DNAH11: variants seen among roughly 807,000 people sequenced by gnomAD.
DNAH11 encodes dynein axonemal heavy chain 11, also known as axonemal beta dynein heavy chain 11.
In DNAH11, 442 loss-of-function variants were observed where a neutral mutation model predicts 526.0. The observed-to-expected ratio is 0.84, with a 90% CI of 0.78 to 0.91. DNAH11 has a LOEUF of 0.91. Ranked by LOEUF, DNAH11 falls within the 40% of genes least tolerant of loss-of-function variation. The probability of loss-of-function intolerance (pLI) is 0.00; values close to 1 mark genes in which losing one functional copy is unlikely to be tolerated. For synonymous variants in DNAH11, 2,461 were observed against 1,935.9 expected (o/e 1.27, Z -7.12); for missense variants, 6,989 against 5,448.7 (o/e 1.28, Z -8.90).
intron 76 of DNAH11, among the ~76,000 whole-genome samples, chr7:21,885,239 T>A (rs1784087078): frequency 7.1e-6 from 1 of 141,642 alleles, no homozygotes; most frequent in Non-Finnish European, 1.5e-5. Context: ...ATCATGGTAA[T>A]ATAGAATTCC....
chr7:21,633,312 T>C (rs1247709991), intron 25 of DNAH11, among the ~76,000 whole-genome samples: 1 of 152,244 alleles, frequency 6.6e-6, no homozygotes, highest in African/African-American at 2.4e-5. Context: ...AGTCTGTCGA[T>C]GTCCATTAGG....
At chr7:21,637,190 T>TTC (rs977769030) in intron 26 of DNAH11, among the ~76,000 whole-genome samples, 1 of 151,782 alleles carries the variant, frequency 6.6e-6, no homozygotes, top group Non-Finnish European at 1.5e-5. Context: ...GTCTCTCTCT[T>TTC]TCTCTCTCTC....
intron 14 of DNAH11, among the ~76,000 whole-genome samples, chr7:21,598,223 GTC>G (rs1380826463): frequency 6.6e-6 from 1 of 152,096 alleles, no homozygotes; most frequent in Non-Finnish European, 1.5e-5. Context: ...TTATTCCAAT[GTC>G]TCTTTTGCTC....
chr7:21,606,517 T>G lies in DNAH11; in HGVS notation c.3740T>G (p.Ile1247Arg). The G allele has an allele frequency of 6.2e-7, 1 of 1,609,958 alleles. No homozygotes were observed. Among genetic ancestry groups the G allele is most frequent in the Non-Finnish European group, 8.5e-7 (1 of 1,178,986 alleles). ...SPLHNAEVTLIRKKCILFDAK... is the reference protein window; with the variant it reads ...SPLHNAEVTLRRKKCILFDAK... Reference sequence around the variant, plus strand: ...CTCCATAATGCGGAAGTCACTCTTATAAGGAAAAAATGTATTTTGTTTGAC... The same window carrying G: ...CTCCATAATGCGGAAGTCACTCTTAGAAGGAAAAAATGTATTTTGTTTGAC... Residue 1247 changes from isoleucine (I) to arginine (R), a missense_variant, in exon 19 of 82, where the codon ATA becomes AGA. Coordinates refer to ENST00000409508, the MANE Select transcript of DNAH11 (RefSeq NM_001277115.2).
At chr7:21,781,792 A>C (rs1787951520) in intron 57 of DNAH11, among the ~76,000 whole-genome samples, 1 of 152,184 alleles carries the variant, frequency 6.6e-6, no homozygotes, top group African/African-American at 2.4e-5. Flanking sequence ...GGGAGGGTTA[A>C]ACAGTAGAAG....
intron 79 of DNAH11, among the ~76,000 whole-genome samples, chr7:21,898,317 G>A (rs1004870521): frequency 3.9e-5 from 6 of 152,116 alleles, no homozygotes; most frequent in Non-Finnish European, 5.9e-5. Context: ...ATATAGGTCC[G>A]GGCACAGAGA....
chr7:21,888,498 CTTTCTT>C (rs1784211334), intron 76 of DNAH11, among the ~76,000 whole-genome samples: 1 of 150,522 alleles, frequency 6.6e-6, no homozygotes, highest in Admixed American at 6.6e-5. Flanking sequence ...TTTTTTTTTT[CTTTCTT>C]TTTGAGACAG....
chr7:21,873,246 A>G, intron 73 of DNAH11, 28 bp from the exon 74 acceptor site: 1 of 1,521,640 alleles, frequency 6.6e-7, no homozygotes. Context: ...TCACCTTCAC[A>G]GGAATTATGC....
chr7:21,769,463 G>A (rs1184540279), intron 55 of DNAH11, among the ~76,000 whole-genome samples: 1 of 151,426 alleles, frequency 6.6e-6, no homozygotes, highest in Non-Finnish European at 1.5e-5. Context: ...AGAGGTAGCT[G>A]GATTGCTTTT....
chr7:21,715,896 G>A (rs146592887), intron 42 of DNAH11, among the ~76,000 whole-genome samples: 3 of 146,738 alleles, frequency 2.0e-5, no homozygotes, highest in Non-Finnish European at 4.4e-5. Flanking sequence ...AAGCAGAATC[G>A]GCTCTTACCA....
chr7:21,824,259 T>C (rs1402046245), intron 65 of DNAH11, among the ~76,000 whole-genome samples: 4 of 152,166 alleles, frequency 2.6e-5, no homozygotes, highest in Admixed American at 1.3e-4. Context: ...AAATTAGACA[T>C]GTATCTGCCA....
At chr7:21,641,424 T>A (rs1413113241) in intron 28 of DNAH11, among the ~76,000 whole-genome samples, 1 of 152,188 alleles carries the variant, frequency 6.6e-6, no homozygotes, top group South Asian at 2.1e-4. Flanking sequence ...GGTATTGAGA[T>A]GTGTCTTACC....
chr7:21,757,395 C>T (rs1031719971), intron 54 of DNAH11, among the ~76,000 whole-genome samples: 2 of 151,986 alleles, frequency 1.3e-5, no homozygotes, highest in Admixed American at 6.6e-5. Context: ...TGCAGTTTAT[C>T]CTATCCGTTT....
chr7:21,899,693 T>C (rs1386896455), intron 80 of DNAH11, among the ~76,000 whole-genome samples: 5 of 152,264 alleles, frequency 3.3e-5, no homozygotes, highest in South Asian at 2.1e-4. Flanking sequence ...TGTGCTCTTA[T>C]TAAACATTTT....
At position 21,581,755 on chromosome 7, in the gene DNAH11, A is replaced by G. The variant is rs1245809751; in HGVS notation, c.1594-150A>G. ...GTCAGTCAGATATAGCTCTTTCTTGAACTTCCGTAGAATGCTGCTATGAAA... is the reference window on the plus strand; with the variant it reads ...GTCAGTCAGATATAGCTCTTTCTTGGACTTCCGTAGAATGCTGCTATGAAA... On this transcript the variant is annotated intron_variant, in intron 8 of 81. Coordinates refer to ENST00000409508, the MANE Select transcript of DNAH11 (RefSeq NM_001277115.2). 6.7e-6 allele frequency: 4 copies of G among 598,368 alleles called. No individual in the cohort carries two copies. The African/African-American group carries it at 7.4e-5, about 11-fold the overall frequency. The allele number at this position is 598,368 out of a possible 1,614,324, so 37.1% of individuals were successfully genotyped here.
intron 45 of DNAH11, among the ~76,000 whole-genome samples, chr7:21,730,584 A>T (rs776887849): frequency 1.3e-5 from 2 of 152,190 alleles, no homozygotes. Flanking sequence ...AGTAAAATAA[A>T]TCAGACACAG....
At chr7:21,605,954 C>T (rs1255710682) in intron 18 of DNAH11, among the ~76,000 whole-genome samples, 1 of 152,164 alleles carries the variant, frequency 6.6e-6, no homozygotes, top group Non-Finnish European at 1.5e-5. Flanking sequence ...GGTTCTAAGC[C>T]TTTTCATCAC....
chr7:21,713,868 T>G (rs1452422752), intron 42 of DNAH11, among the ~76,000 whole-genome samples: 5 of 152,196 alleles, frequency 3.3e-5, no homozygotes, highest in Non-Finnish European at 2.9e-5. Flanking sequence ...TGGAGTGTTT[T>G]TCTTGGGATA....
intron 26 of DNAH11, among the ~76,000 whole-genome samples, chr7:21,636,767 T>C (rs983023748): frequency 2.0e-5 from 3 of 152,130 alleles, no homozygotes; most frequent in African/African-American, 4.8e-5. Flanking sequence ...CATTTTTAGC[T>C]GCTAGGTCGT....
Sources: gnomAD v4.1 joint callset for allele counts (sites outside exome capture counted in the v4.1 genomes callset) on GRCh38, gnomAD v4.1.1 for gene constraint, MANE v1.5 for transcripts, NCBI Gene and HGNC (gene_info 2026-07-23, HGNC 2026-07-21) for gene names.